Variants in TMEM65 observed in about 807,000 individuals in gnomAD.
TMEM65 encodes transmembrane protein 65.
TMEM65 carries 22 observed loss-of-function variants against 25.4 expected under a neutral mutation model. That is an observed-to-expected ratio of 0.86 (90% CI 0.62 to 1.23). TMEM65 has a LOEUF of 1.23. Among genes scored for constraint, TMEM65 ranks in the 50% most tolerant of loss-of-function variants. TMEM65 has a pLI of 0.00. For missense variants in TMEM65, 262 were observed against 308.2 expected (o/e 0.85, Z 1.12); for synonymous variants, 132 against 126.2 (o/e 1.05, Z -0.31).
chr8:124,355,106 T>A (rs1480964422), intron 1 of TMEM65, among the ~76,000 whole-genome samples: 3 of 152,222 alleles, frequency 2.0e-5, no homozygotes, highest in Non-Finnish European at 4.4e-5. Flanking sequence ...CAGGTAATAA[T>A]GGGAAGTAAA....
At chr8:124,332,267 C>T (rs1377565425) in intron 1 of TMEM65, among the ~76,000 whole-genome samples, 2 of 152,004 alleles carry the variant, frequency 1.3e-5, no homozygotes, top group African/African-American at 2.4e-5. Context: ...ATTTACATAC[C>T]AGAACTATTT....
chr8:124,362,488 C>G (rs1458854802), intron 1 of TMEM65, among the ~76,000 whole-genome samples: 1 of 151,170 alleles, frequency 6.6e-6, no homozygotes, highest in Non-Finnish European at 1.5e-5. Flanking sequence ...ATAGCGAAAC[C>G]CTGTCTCTAC....
chr8:124,368,735 C>G (rs1814973520), intron 1 of TMEM65, among the ~76,000 whole-genome samples: 1 of 152,150 alleles, frequency 6.6e-6, no homozygotes, highest in Non-Finnish European at 1.5e-5. Context: ...ATCCTCCAGC[C>G]CCAGTTAAGA....
chr8:124,350,924 CA>C, intron 1 of TMEM65: 2 of 933,158 alleles, frequency 2.1e-6, no homozygotes, highest in Non-Finnish European at 2.6e-6. Flanking sequence ...TACAGACAGT[CA>C]AAAACACTAA....
At chr8:124,323,584 AT>A (rs1320206744) in intron 3 of TMEM65, among the ~76,000 whole-genome samples, 3 of 152,104 alleles carry the variant, frequency 2.0e-5, no homozygotes, top group Non-Finnish European at 4.4e-5. Context: ...CATTTTATTC[AT>A]TCAAATTAGG....
At chr8:124,333,166 C>T (rs972558365) in intron 1 of TMEM65, among the ~76,000 whole-genome samples, 10 of 145,946 alleles carry the variant, frequency 6.9e-5, no homozygotes, top group African/African-American at 2.6e-4. Context: ...AAACATACAT[C>T]AGAAGTAAAA....
chr8:124,339,222 AATATATATAT>A lies in TMEM65; in HGVS notation c.305-8440_305-8431del, dbSNP rs1209068044. Among the ~76,000 whole-genome samples, 129 of 19,906 alleles carry A rather than the reference AATATATATAT, an allele frequency of 6.5e-3. 2 individuals are homozygous for A. The highest frequency in any genetic ancestry group is 0.013 in the African/African-American group (51 of 3,802). 13.1% of individuals were successfully genotyped at this position (19,906 alleles called of 152,430 possible). The stretch of plus-strand genomic sequence containing the variant: ...AAAAAAAAAAAAAAAAAAAAAAAAA[AATATATATAT>A]ATATATATATATATATAAAATATTC... On this transcript the variant is annotated intron_variant, in intron 1 of 6. Coordinates refer to ENST00000297632, the MANE Select transcript of TMEM65 (RefSeq NM_194291.3).
chr8:124,320,277 G>C (rs1257114350), intron 5 of TMEM65, 86 bp from the exon 6 acceptor site: 5 of 989,800 alleles, frequency 5.1e-6, no homozygotes, highest in Non-Finnish European at 7.4e-6. Context: ...AAAGACATGA[G>C]GACAAAATAT....
In TMEM65 at chr8:124,318,065, T is replaced by C. The variant is rs569069717; in HGVS notation, c.621+2021A>G. The stretch of plus-strand genomic sequence containing the variant: ...AGTTTACCAATTTGTGGTAAACTTT[T>C]GGATTACCAAAAGCGAGTTGCACAA... On this transcript the variant is annotated intron_variant, in intron 6 of 6. Transcript: ENST00000297632. 3.3e-5 allele frequency among the ~76,000 whole-genome samples: 5 copies of C among 152,278 alleles called. No individual in the cohort carries two copies. In the East Asian group the frequency reaches 9.7e-4, roughly 29 times the overall value.
chr8:124,339,599 CA>C (rs971479688), intron 1 of TMEM65, among the ~76,000 whole-genome samples: 2 of 151,990 alleles, frequency 1.3e-5, no homozygotes, highest in African/African-American at 4.8e-5. Context: ...AGTGTCCAAG[CA>C]AAGGGCCAGA....
Position 124,371,742 on chromosome 8 carries a change from G to A in TMEM65, c.304+112C>T. Reference sequence around the variant, plus strand: ...GGCCAGACAGGCGAGGGGGGCGGAAGGGGGGCGGCGGCGGGGGTCCAAGAT... The same window carrying A: ...GGCCAGACAGGCGAGGGGGGCGGAAAGGGGGCGGCGGCGGGGGTCCAAGAT... On this transcript the variant is annotated intron_variant, in intron 1 of 6. Transcript: ENST00000297632. 3 of 1,082,410 alleles carry A rather than the reference G, an allele frequency of 2.8e-6. No individual in the cohort carries two copies. In the South Asian group the frequency reaches 5.2e-5, roughly 19 times the overall value. 67.1% of individuals were successfully genotyped at this position (1,082,410 alleles called of 1,614,324 possible). A position where few individuals can be genotyped will look rare whatever the true frequency, so the allele number is the denominator to read the frequency against.
At position 124,312,465 on chromosome 8, in the gene TMEM65, T is replaced by C. The variant is rs1349663975; in HGVS notation, c.*1495A>G. ...CTGAAGAGTTCAAAGTAATTATGTA[T>C]AAATAAAACCTTAAAATAAACTGCT... On this transcript the variant is annotated 3_prime_UTR_variant, in exon 7 of 7. Coordinates refer to ENST00000297632, the MANE Select transcript of TMEM65 (RefSeq NM_194291.3). 7 of 151,944 alleles carry C rather than the reference T, an allele frequency of 4.6e-5. 1 individual carries two copies. The highest frequency in any genetic ancestry group is 1.2e-4 in the African/African-American group (5 of 41,412). The allele number at this position is 151,944 out of a possible 1,614,324, so 9.4% of individuals were successfully genotyped here.
chr8:124,337,865 A>G (rs1238244709), intron 1 of TMEM65, among the ~76,000 whole-genome samples: 3 of 152,180 alleles, frequency 2.0e-5, no homozygotes, highest in Admixed American at 1.3e-4. Context: ...AAAGTATTAC[A>G]TTCTTATACT....
chr8:124,335,453 AG>A (rs1469156154), intron 1 of TMEM65, among the ~76,000 whole-genome samples: 1 of 152,190 alleles, frequency 6.6e-6, no homozygotes, highest in Non-Finnish European at 1.5e-5. Flanking sequence ...TAAATATAAA[AG>A]ATTACTTTTT....
chr8:124,348,383 T>A (rs1423168977), intron 1 of TMEM65, among the ~76,000 whole-genome samples: 1 of 152,140 alleles, frequency 6.6e-6, no homozygotes, highest in African/African-American at 2.4e-5. Flanking sequence ...CAGAAAATTA[T>A]ATTCCTTCCC....
At chr8:124,319,111 A>G (rs1027896240) in intron 6 of TMEM65, among the ~76,000 whole-genome samples, 2 of 152,302 alleles carry the variant, frequency 1.3e-5, no homozygotes, top group Non-Finnish European at 1.5e-5. Flanking sequence ...TACGTAAACA[A>G]TAAGTATTTG....
chr8:124,329,750 C>T (rs1814409190), intron 2 of TMEM65, among the ~76,000 whole-genome samples: 1 of 151,900 alleles, frequency 6.6e-6, no homozygotes. Context: ...ACTTGGTTCC[C>T]AGCCCTAAAG....
chr8:124,340,065 C>T (rs1814567011), intron 1 of TMEM65, among the ~76,000 whole-genome samples: 1 of 152,118 alleles, frequency 6.6e-6, no homozygotes, highest in Admixed American at 6.5e-5. Context: ...TCTTCAAAAG[C>T]TTCTTTACAG....
intron 1 of TMEM65, among the ~76,000 whole-genome samples, chr8:124,367,224 G>T (rs1022031974): frequency 1.3e-5 from 2 of 151,876 alleles, no homozygotes; most frequent in Non-Finnish European, 2.9e-5. Flanking sequence ...CTGTAATCCC[G>T]GCACTTTGGA....
Sources: allele counts gnomAD v4.1 joint callset (sites outside exome capture counted in the v4.1 genomes callset), GRCh38; gene constraint gnomAD v4.1.1; transcripts MANE v1.5; gene names NCBI Gene and HGNC (gene_info 2026-07-23, HGNC 2026-07-21).